The following SLC2A13 variants were observed in gnomAD, a reference collection of about 807,000 sequenced individuals.
The protein encoded by SLC2A13 is proton myo-inositol cotransporter.
Under a neutral mutation model 64.4 loss-of-function variants are expected in SLC2A13, and 32 were observed. The observed-to-expected ratio is 0.50, with a 90% confidence interval of 0.37 to 0.67. The LOEUF is 0.67. SLC2A13 is among the 30% of genes least tolerant of loss of function. The pLI is 0.00. For missense variants in SLC2A13, 743 were observed against 829.2 expected (o/e 0.90, Z 1.28); for synonymous variants, 338 against 327.1 (o/e 1.03, Z -0.36).
intron 4 of SLC2A13, among the ~76,000 whole-genome samples, chr12:39,936,039 T>A (rs1362374180): frequency 6.6e-6 from 1 of 152,228 alleles, no homozygotes; most frequent in East Asian, 1.9e-4. Context: ...CAAAGGGCCC[T>A]GGACTTTGAA....
At chr12:39,942,007 A>C (rs1946036202) in intron 4 of SLC2A13, among the ~76,000 whole-genome samples, 2 of 152,192 alleles carry the variant, frequency 1.3e-5, no homozygotes, top group African/African-American at 4.8e-5. Context: ...ATTGTCGAAG[A>C]TCAGTTGGCC....
chr12:40,051,856 T>C (rs1020120838), intron 1 of SLC2A13, among the ~76,000 whole-genome samples: 4 of 151,924 alleles, frequency 2.6e-5, no homozygotes, highest in African/African-American at 9.7e-5. Context: ...CTGAATAGGG[T>C]AGAAGAGGAA....
intron 4 of SLC2A13, among the ~76,000 whole-genome samples, chr12:39,895,412 C>T (rs1316714460): frequency 6.8e-6 from 1 of 146,718 alleles, no homozygotes; most frequent in South Asian, 2.2e-4. Flanking sequence ...ATGGCCTGAA[C>T]CTGGGAGGTG....
In SLC2A13 at chr12:39,757,081, G is replaced by A. The variant is rs1939988489; in HGVS notation, c.*2945C>T. 2 of 151,520 alleles carry A rather than the reference G, an allele frequency of 1.3e-5. No individual in the cohort carries two copies. Among genetic ancestry groups the A allele is most frequent in the Non-Finnish European group, 3.0e-5 (2 of 67,672 alleles). The allele number at this position is 151,520 out of a possible 1,614,324, so 9.4% of individuals were successfully genotyped here. A position where few individuals can be genotyped will look rare whatever the true frequency, so the allele number is the denominator to read the frequency against. ...GTTTACATTGAAGAAAATTATTAAC[G>A]GCAAACCCTTTTGACATCACATTCA... On this transcript the variant is annotated 3_prime_UTR_variant, in exon 10 of 10. Coordinates refer to ENST00000280871, the MANE Select transcript of SLC2A13 (RefSeq NM_052885.4).
intron 3 of SLC2A13, among the ~76,000 whole-genome samples, chr12:40,011,540 G>A (rs1947532143): frequency 1.3e-5 from 2 of 152,274 alleles, no homozygotes; most frequent in South Asian, 4.1e-4. Context: ...GATATATTGT[G>A]TGATGCTAAG....
chr12:40,037,711 A>C (rs776998931), intron 2 of SLC2A13, among the ~76,000 whole-genome samples: 7 of 151,736 alleles, frequency 4.6e-5, no homozygotes, highest in Non-Finnish European at 1.0e-4. Context: ...TAGCTTCTTT[A>C]ATAAATAAAA....
chr12:39,962,055 C>T (rs190929183), intron 3 of SLC2A13, among the ~76,000 whole-genome samples: 11 of 152,264 alleles, frequency 7.2e-5, no homozygotes, highest in African/African-American at 9.6e-5. Flanking sequence ...TGGAGATGAG[C>T]GTTACACAGT....
chr12:40,020,305 G>A (rs1390800533), intron 3 of SLC2A13, among the ~76,000 whole-genome samples: 1 of 152,188 alleles, frequency 6.6e-6, no homozygotes, highest in Admixed American at 6.5e-5. Flanking sequence ...CCTGGTGAGA[G>A]GTGATCAGAT....
chr12:39,830,245 G>GTTA lies in SLC2A13; in HGVS notation c.1320-20_1320-18dup. 2 of 1,609,396 alleles carry GTTA rather than the reference G, an allele frequency of 1.2e-6. No individual in the cohort carries two copies. The highest frequency in any genetic ancestry group is 1.3e-5 in the African/African-American group (1 of 74,792). ...TTACAGTAACTGAAAAATGAAAAGA[G>GTTA]TTACCGTCATGTTGGCAGAGACAAC... On this transcript the variant is annotated splice_polypyrimidine_tract_variant and intron_variant, in intron 6 of 9. Coordinates refer to ENST00000280871, the MANE Select transcript of SLC2A13 (RefSeq NM_052885.4).
chr12:39,782,145 T>G (rs946713213), intron 7 of SLC2A13, among the ~76,000 whole-genome samples: 3 of 152,210 alleles, frequency 2.0e-5, no homozygotes, highest in Non-Finnish European at 4.4e-5. Context: ...TATTTTAACT[T>G]AAGGAAGTCT....
At chr12:39,896,341 CATATATGTATGTATATGTGTATAT>C (rs1944872960) in intron 4 of SLC2A13, among the ~76,000 whole-genome samples, 1 of 93,394 alleles carries the variant, frequency 1.1e-5, no homozygotes, top group Non-Finnish European at 2.3e-5. Context: ...TATATGTATA[CATATATGTATGTATATGTGTATAT>C]ATGTATACAT....
intron 3 of SLC2A13, among the ~76,000 whole-genome samples, chr12:39,990,955 C>G (rs558490417): frequency 7.2e-5 from 11 of 152,288 alleles, no homozygotes; most frequent in Admixed American, 3.3e-4. Context: ...CTCTCTCCCC[C>G]TGAAGTGTGT....
intron 3 of SLC2A13, among the ~76,000 whole-genome samples, chr12:39,978,795 G>A (rs1946821721): frequency 6.6e-6 from 1 of 152,100 alleles, no homozygotes; most frequent in African/African-American, 2.4e-5. Context: ...AAGCAGCCTG[G>A]AAGCTCGAAC....
chr12:39,916,034 C>T (rs138095595), intron 4 of SLC2A13, among the ~76,000 whole-genome samples: 3 of 151,868 alleles, frequency 2.0e-5, no homozygotes, highest in East Asian at 1.9e-4. Flanking sequence ...CAAATATCTG[C>T]CACCATTGAG....
At chr12:39,789,151 C>T (rs1941288863) in intron 7 of SLC2A13, among the ~76,000 whole-genome samples, 1 of 152,102 alleles carries the variant, frequency 6.6e-6, no homozygotes, top group Admixed American at 6.6e-5. Context: ...GAACCACTTT[C>T]TGATAGGATC....
At chr12:40,042,962 A>G (rs1371170017) in intron 2 of SLC2A13, among the ~76,000 whole-genome samples, 1 of 150,776 alleles carries the variant, frequency 6.6e-6, no homozygotes, top group African/African-American at 2.4e-5. Context: ...TAAGAATGAA[A>G]AAAAAAAAAA....
At chr12:40,040,299 G>A (rs141239084) in intron 2 of SLC2A13, among the ~76,000 whole-genome samples, 318 of 152,272 alleles carry the variant, frequency 2.1e-3, no homozygotes, top group Non-Finnish European at 3.3e-3. Context: ...TAATTCATAC[G>A]CTGTGAAAGC....
chr12:40,080,988 G>A (rs1938375639), intron 1 of SLC2A13, among the ~76,000 whole-genome samples: 1 of 152,138 alleles, frequency 6.6e-6, no homozygotes, highest in African/African-American at 2.4e-5. Context: ...TGGAATTCTT[G>A]GTTGAAATTT....
intron 7 of SLC2A13, among the ~76,000 whole-genome samples, chr12:39,771,638 G>A (rs1218123582): frequency 6.6e-6 from 1 of 152,138 alleles, no homozygotes; most frequent in Non-Finnish European, 1.5e-5. Context: ...TGACCCACAG[G>A]AAGTGCTATA....
Sources: allele counts gnomAD v4.1 joint callset (sites outside exome capture counted in the v4.1 genomes callset), GRCh38; gene constraint gnomAD v4.1.1; transcripts MANE v1.5; gene names NCBI Gene and HGNC (gene_info 2026-07-23, HGNC 2026-07-21).